YPEL2: variants seen among roughly 807,000 people sequenced by gnomAD.
YPEL2 encodes the protein yippee like 2, also known as protein yippee-like 2.
In YPEL2, 2 loss-of-function variants were observed where a neutral mutation model predicts 19.1. That is an observed-to-expected ratio of 0.10 (90% CI 0.04 to 0.33). The LOEUF (loss-of-function observed/expected upper bound fraction) is 0.33, where lower values mean the gene tolerates loss of function less well. Ranked by LOEUF, YPEL2 falls within the 10% of genes least tolerant of loss-of-function variation. The probability of loss-of-function intolerance (pLI) is 1.00; values close to 1 mark genes in which losing one functional copy is unlikely to be tolerated. For synonymous variants in YPEL2, 52 were observed against 50.0 expected (o/e 1.04, Z -0.17); for missense variants, 66 against 140.7 (o/e 0.47, Z 2.68).
chr17:59,332,270 G>A (rs2047674810), intron 1 of YPEL2, among the ~76,000 whole-genome samples: 5 of 152,146 alleles, frequency 3.3e-5, no homozygotes, highest in Admixed American at 2.6e-4. Flanking sequence ...GTTTCCCTCG[G>A]AGAGTCCTGG....
chr17:59,348,239 G>A (rs536631317), intron 1 of YPEL2, among the ~76,000 whole-genome samples: 47 of 152,362 alleles, frequency 3.1e-4, no homozygotes, highest in African/African-American at 1.1e-3. Context: ...ACAGAGGCAT[G>A]CCTTGGGGCC....
chr17:59,337,225 T>C (rs868309416), intron 1 of YPEL2, among the ~76,000 whole-genome samples: 4 of 149,836 alleles, frequency 2.7e-5, no homozygotes, highest in Middle Eastern at 3.4e-3. Flanking sequence ...TCTCGCTCTG[T>C]GGCCCAGGCG....
chr17:59,394,797 C>A (rs1454375797), intron 4 of YPEL2, among the ~76,000 whole-genome samples: 1 of 152,224 alleles, frequency 6.6e-6, no homozygotes, highest in African/African-American at 2.4e-5. Context: ...AGCCTGGGCA[C>A]CATTGAGCAC....
At position 59,364,369 on chromosome 17, in the gene YPEL2, C is replaced by T. The variant is rs539460961; in HGVS notation, c.117+10843C>T. Among the ~76,000 whole-genome samples, 211 of 152,298 alleles carry T rather than the reference C, an allele frequency of 1.4e-3. 1 individual carries two copies. Among genetic ancestry groups the T allele is most frequent in the African/African-American group, 5.0e-3 (209 of 41,558 alleles). On this transcript the variant is annotated intron_variant, in intron 2 of 4. Transcript: ENST00000312655. ...TCTGGAAGATTGACAGTGTCAAGCG[C>T]TGTGATCTTGGGCAAGACTGTTCAT...
chr17:59,332,219 G>A (rs1353923633), intron 1 of YPEL2, among the ~76,000 whole-genome samples: 1 of 152,070 alleles, frequency 6.6e-6, no homozygotes, highest in African/African-American at 2.4e-5. Flanking sequence ...CATGGGGTCC[G>A]GGTGGGGCTG....
At chr17:59,356,826 G>A (rs2147941733) in intron 2 of YPEL2, among the ~76,000 whole-genome samples, 1 of 152,312 alleles carries the variant, frequency 6.6e-6, no homozygotes, top group South Asian at 2.1e-4. Flanking sequence ...CATGGTAGAA[G>A]GGAAGGGTCT....
chr17:59,359,297 A>C (rs1272543913), intron 2 of YPEL2, among the ~76,000 whole-genome samples: 1 of 152,192 alleles, frequency 6.6e-6, no homozygotes, highest in Admixed American at 6.5e-5. Flanking sequence ...TGAAAACCTC[A>C]TGTAAATAAT....
intron 3 of YPEL2, chr17:59,388,990 C>T (rs988896032): frequency 7.0e-6 from 2 of 285,462 alleles, no homozygotes; most frequent in Non-Finnish European, 1.4e-5. Flanking sequence ...GCATCTTCAG[C>T]TTCATTCAGT....
In YPEL2 at chr17:59,397,358, G is replaced by A. The variant is rs773118495; in HGVS notation, c.*168G>A. ...CTTTCTGGTGACCGGCCTCTAAATCGCTGTCTCTCTGTCTCTTTGCTTTGT... is the reference window on the plus strand; with the variant it reads ...CTTTCTGGTGACCGGCCTCTAAATCACTGTCTCTCTGTCTCTTTGCTTTGT... On this transcript the variant is annotated 3_prime_UTR_variant, in exon 5 of 5. Coordinates refer to ENST00000312655, the MANE Select transcript of YPEL2 (RefSeq NM_001005404.4). 1.9e-5 allele frequency: 9 copies of A among 467,556 alleles called. No homozygotes were observed. The highest frequency in any genetic ancestry group is 2.7e-5 in the Non-Finnish European group (7 of 259,020). The allele number at this position is 467,556 out of a possible 1,614,324, so 29.0% of individuals were successfully genotyped here.
chr17:59,340,424 T>TA (rs1260104445), intron 1 of YPEL2, among the ~76,000 whole-genome samples: 1 of 150,946 alleles, frequency 6.6e-6, no homozygotes, highest in African/African-American at 2.4e-5. Context: ...TTTATTTATT[T>TA]TTTTTTTTTG....
chr17:59,358,942 G>A (rs1162522903), intron 2 of YPEL2, among the ~76,000 whole-genome samples: 2 of 66,812 alleles, frequency 3.0e-5, no homozygotes, highest in Non-Finnish European at 5.5e-5. Flanking sequence ...TTTTTTTTTT[G>A]AGATGAAGTC....
chr17:59,378,664 C>G (rs2047934258), intron 2 of YPEL2, among the ~76,000 whole-genome samples: 1 of 152,148 alleles, frequency 6.6e-6, no homozygotes, highest in African/African-American at 2.4e-5. Flanking sequence ...CAATAAAACA[C>G]CAGCACCCAG....
In YPEL2 at chr17:59,337,425, G is replaced by A. The variant is rs893946374; in HGVS notation, c.-196+5601G>A. 3.9e-5 allele frequency among the ~76,000 whole-genome samples: 6 copies of A among 151,982 alleles called. No individual in the cohort carries two copies. The South Asian group carries it at 6.2e-4, about 16-fold the overall frequency. ...AGGATGGTCTCGATCTCCTGACCTC[G>A]TGATCCGCCCGCCTCGGCCTCCCAA... On this transcript the variant is annotated intron_variant, in intron 1 of 4. Transcript: ENST00000312655.
In YPEL2 at chr17:59,353,082, A is replaced by T; in HGVS notation, c.-195-133A>T. 4.9e-6 allele frequency: 1 copy of T among 202,490 alleles called. No individual in the cohort carries two copies. Among genetic ancestry groups the T allele is most frequent in the Non-Finnish European group, 1.0e-5 (1 of 99,848 alleles). 12.5% of individuals were successfully genotyped at this position (202,490 alleles called of 1,614,324 possible). On this transcript the variant is annotated intron_variant, in intron 1 of 4. Coordinates refer to ENST00000312655, the MANE Select transcript of YPEL2 (RefSeq NM_001005404.4). The surrounding 1 kb of genome is among the most constrained non-coding windows in gnomAD (Gnocchi z 4.8). Reference sequence around the variant, plus strand: ...ATTCATTGGGTATCTTGGGCATGATACCAGGAACAGAGAAGTGGGTCATTT... The same window carrying T: ...ATTCATTGGGTATCTTGGGCATGATTCCAGGAACAGAGAAGTGGGTCATTT...
At chr17:59,350,065 G>GCTTTTTCTTCC (rs951719566) in intron 1 of YPEL2, among the ~76,000 whole-genome samples, 2 of 151,840 alleles carry the variant, frequency 1.3e-5, no homozygotes, top group African/African-American at 2.4e-5. Flanking sequence ...TCAGCAAGCC[G>GCTTTTTCTTCC]CTTTTTCTTC....
intron 1 of YPEL2, among the ~76,000 whole-genome samples, chr17:59,347,038 A>G (rs1248616562): frequency 1.3e-5 from 2 of 152,226 alleles, no homozygotes; most frequent in Non-Finnish European, 2.9e-5. Flanking sequence ...GGTATAGAGG[A>G]TGAGATGAGT....
chr17:59,359,467 T>C lies in YPEL2; in HGVS notation c.117+5941T>C, dbSNP rs185882897. ...AATTCATAAAGGATATGTACAATAT[T>C]ATCAGACCAGAATGCCAGTTAGCAA... On this transcript the variant is annotated intron_variant, in intron 2 of 4. Transcript: ENST00000312655. Among the ~76,000 whole-genome samples the C allele has an allele frequency of 9.6e-4, 146 of 152,276 alleles. 1 individual carries two copies. Among genetic ancestry groups the C allele is most frequent in the African/African-American group, 3.4e-3 (141 of 41,562 alleles).
At chr17:59,343,286 C>T (rs991609575) in intron 1 of YPEL2, among the ~76,000 whole-genome samples, 1 of 151,820 alleles carries the variant, frequency 6.6e-6, no homozygotes, top group Non-Finnish European at 1.5e-5. Flanking sequence ...CACTGATGGC[C>T]ATTCATTTTA....
intron 1 of YPEL2, among the ~76,000 whole-genome samples, chr17:59,341,945 A>G (rs2047733535): frequency 6.6e-6 from 1 of 152,148 alleles, no homozygotes; most frequent in Non-Finnish European, 1.5e-5. Flanking sequence ...ATAACTTCCA[A>G]CTTTGGGCTG....
Sources: allele counts gnomAD v4.1 joint callset (sites outside exome capture counted in the v4.1 genomes callset), GRCh38; gene constraint gnomAD v4.1.1; non-coding constraint Gnocchi (gnomAD v3.1); transcripts MANE v1.5; gene names NCBI Gene and HGNC (gene_info 2026-07-23, HGNC 2026-07-21).